WWOX: variants seen among roughly 807,000 people sequenced by gnomAD.
WWOX encodes the protein WW domain containing oxidoreductase, also known as WW domain-containing oxidoreductase.
In WWOX, 69 loss-of-function variants were observed where a neutral mutation model predicts 46.2. That is an observed-to-expected ratio of 1.49 (90% confidence interval 1.23 to 1.82). WWOX has a LOEUF of 1.82. Ranked by LOEUF, WWOX falls within the 40% of genes most tolerant of loss-of-function variation. WWOX has a pLI of 0.00. For missense variants in WWOX, 919 were observed against 542.6 expected (o/e 1.69, Z -6.89); for synonymous variants, 359 against 202.6 (o/e 1.77, Z -6.56).
intron 8 of WWOX, among the ~76,000 whole-genome samples, chr16:79,002,221 T>A (rs2047107572): frequency 7.6e-6 from 1 of 131,366 alleles, no homozygotes; most frequent in Non-Finnish European, 1.6e-5. Flanking sequence ...GCCTTTTTTT[T>A]TTTTTTTTTT....
chr16:78,477,308 A>G (rs1330277919), intron 8 of WWOX, among the ~76,000 whole-genome samples: 1 of 152,208 alleles, frequency 6.6e-6, no homozygotes, highest in Non-Finnish European at 1.5e-5. Flanking sequence ...CAGTAACCGC[A>G]TATAAAAACC....
chr16:78,153,467 C>A (rs1597277000), intron 4 of WWOX, among the ~76,000 whole-genome samples: 1 of 152,018 alleles, frequency 6.6e-6, no homozygotes, highest in African/African-American at 2.4e-5. Context: ...CAAATCTAAC[C>A]CAAGCTGAAA....
chr16:78,800,878 T>G (rs1385733876), intron 8 of WWOX, among the ~76,000 whole-genome samples: 1 of 152,122 alleles, frequency 6.6e-6, no homozygotes, highest in Non-Finnish European at 1.5e-5. Flanking sequence ...GTCTGATAGT[T>G]TAGAAAGCTT....
rs145978902 is a variant in WWOX, at chr16:78,976,892, A to C, written c.1057-234716A>C. 1.5e-3 allele frequency among the ~76,000 whole-genome samples: 234 copies of C among 152,118 alleles called. 4 individuals are homozygous for C. Among genetic ancestry groups the C allele is most frequent in the African/African-American group, 5.3e-3 (222 of 41,506 alleles). ...ATCCAAAGTATGCACGCCGCACTCCACCTCCCATGCCCTTTTCTTTTTCTC... is the reference window on the plus strand; with the variant it reads ...ATCCAAAGTATGCACGCCGCACTCCCCCTCCCATGCCCTTTTCTTTTTCTC... On this transcript the variant is annotated intron_variant, in intron 8 of 8. Coordinates refer to ENST00000566780, the MANE Select transcript of WWOX (RefSeq NM_016373.4).
chr16:78,733,214 C>T (rs768320540), intron 8 of WWOX, among the ~76,000 whole-genome samples: 3 of 152,178 alleles, frequency 2.0e-5, no homozygotes, highest in Non-Finnish European at 2.9e-5. Flanking sequence ...AGAGCAATAT[C>T]ATTTGCCATA....
intron 8 of WWOX, among the ~76,000 whole-genome samples, chr16:79,202,167 A>T (rs751922045): frequency 1.6e-4 from 24 of 152,188 alleles, no homozygotes; most frequent in Non-Finnish European, 2.8e-4. Flanking sequence ...GCCAGACATT[A>T]TATGGGCCAC....
chr16:78,123,931 T>G (rs543278681), intron 4 of WWOX: 1 of 152,274 alleles, frequency 6.6e-6, no homozygotes, highest in Non-Finnish European at 1.5e-5. Context: ...GGGATCATAT[T>G]AAACCAGCTA....
chr16:78,376,014 C>G lies in WWOX; in HGVS notation c.517-10846C>G, dbSNP rs146943811. 6.4e-4 allele frequency among the ~76,000 whole-genome samples: 97 copies of G among 152,126 alleles called. 2 individuals carry two copies. In the East Asian group the frequency reaches 0.017, roughly 26 times the overall value. On this transcript the variant is annotated intron_variant, in intron 5 of 8. Coordinates refer to ENST00000566780, the MANE Select transcript of WWOX (RefSeq NM_016373.4). Reference sequence around the variant, plus strand: ...TACCAGCGCATGTCACCATGCCTGGCTAATTTTTGTATTTTTGTAGAGATG... The same window carrying G: ...TACCAGCGCATGTCACCATGCCTGGGTAATTTTTGTATTTTTGTAGAGATG...
chr16:78,237,073 CAAAA>C (rs35866443), intron 5 of WWOX, among the ~76,000 whole-genome samples: 1 of 80,816 alleles, frequency 1.2e-5, no homozygotes, highest in African/African-American at 4.8e-5. Context: ...GACTCCGTCT[CAAAA>C]AAAAAAAAAA....
intron 8 of WWOX, among the ~76,000 whole-genome samples, chr16:78,777,125 A>G (rs761329001): frequency 6.6e-6 from 1 of 152,198 alleles, no homozygotes; most frequent in East Asian, 1.9e-4. Flanking sequence ...TTTTTTCAGA[A>G]TCATTGTTTC....
At chr16:78,565,455 C>G (rs2044541819) in intron 8 of WWOX, among the ~76,000 whole-genome samples, 1 of 152,182 alleles carries the variant, frequency 6.6e-6, no homozygotes, top group African/African-American at 2.4e-5. Flanking sequence ...AGTTTAATAT[C>G]ATCACATCTC....
chr16:79,207,467 A>C (rs79734883), intron 8 of WWOX, among the ~76,000 whole-genome samples: 13,168 of 152,312 alleles, frequency 0.086, 691 homozygotes, highest in Middle Eastern at 0.15. Flanking sequence ...TCTAACTTCC[A>C]GGGTTCATTC....
At chr16:78,946,631 G>C (rs976786143) in intron 8 of WWOX, among the ~76,000 whole-genome samples, 1 of 152,100 alleles carries the variant, frequency 6.6e-6, no homozygotes, top group African/African-American at 2.4e-5. Flanking sequence ...TCATCCTAGG[G>C]CACAGGAGAG....
At chr16:78,309,793 G>A (rs9927661) in intron 5 of WWOX, among the ~76,000 whole-genome samples, 59,787 of 152,008 alleles carry the variant, frequency 0.39, 12,354 homozygotes, top group East Asian at 0.62. Flanking sequence ...GCACCCAGCA[G>A]TGTCTGTCTT....
intron 8 of WWOX, among the ~76,000 whole-genome samples, chr16:78,923,266 C>A (rs1036255052): frequency 6.6e-6 from 1 of 152,176 alleles, no homozygotes; most frequent in Admixed American, 6.5e-5. Flanking sequence ...CAGGCTTGAG[C>A]CACTGTGCCC....
chr16:78,407,899 C>T (rs962176317), intron 6 of WWOX, among the ~76,000 whole-genome samples: 5 of 152,198 alleles, frequency 3.3e-5, no homozygotes, highest in African/African-American at 2.4e-5. Flanking sequence ...ATAACATTTG[C>T]ACATACAGAT....
chr16:78,522,838 A>G lies in WWOX; in HGVS notation c.1056+90086A>G, dbSNP rs1185745349. 2.0e-5 allele frequency among the ~76,000 whole-genome samples: 3 copies of G among 152,198 alleles called. No individual in the cohort carries two copies. In the East Asian group the frequency reaches 5.8e-4, roughly 29 times the overall value. ...TGTAATCACGGCACTTTGGGAGGCC[A>G]AGGCAGGTGGATCACTCGAGGTCAG... On this transcript the variant is annotated intron_variant, in intron 8 of 8. Coordinates refer to ENST00000566780, the MANE Select transcript of WWOX (RefSeq NM_016373.4).
intron 8 of WWOX, among the ~76,000 whole-genome samples, chr16:79,013,389 C>G (rs1219741597): frequency 1.3e-5 from 2 of 152,206 alleles, no homozygotes; most frequent in Non-Finnish European, 2.9e-5. Context: ...CCTATCTTGT[C>G]TCTGCTCAGT....
chr16:78,837,740 G>A (rs1386288927), intron 8 of WWOX, among the ~76,000 whole-genome samples: 2 of 152,112 alleles, frequency 1.3e-5, no homozygotes, highest in Non-Finnish European at 2.9e-5. Flanking sequence ...TTTTGACTTG[G>A]TAATTTGTAA....
Sources: allele counts gnomAD v4.1 joint callset (sites outside exome capture counted in the v4.1 genomes callset), GRCh38; gene constraint gnomAD v4.1.1; transcripts MANE v1.5; gene names NCBI Gene and HGNC (gene_info 2026-07-23, HGNC 2026-07-21).